DOCK4: variants seen among roughly 807,000 people sequenced by gnomAD.
DOCK4 encodes the protein dedicator of cytokinesis 4.
Under a neutral mutation model 268.1 loss-of-function variants are expected in DOCK4, and 97 were observed. The observed-to-expected ratio is 0.36, with a 90% CI of 0.31 to 0.43. DOCK4 has a LOEUF of 0.43. Among genes scored for constraint, DOCK4 ranks in the 20% least tolerant of loss-of-function variants. The probability of loss-of-function intolerance (pLI) is 1.00; values close to 1 mark genes in which losing one functional copy is unlikely to be tolerated. For missense variants in DOCK4, 2,145 were observed against 2,455.7 expected (o/e 0.87, Z 2.67); for synonymous variants, 954 against 887.2 (o/e 1.08, Z -1.34).
Position 111,844,751 on chromosome 7 carries a change from C to T in DOCK4, c.2736+12G>A. ...GGCCCTGTTCCACGTGCCATCTGCT[C>T]TATGATCTTACAGTGACATCCTGGA... is the stretch of plus-strand genomic sequence containing the variant. On this transcript the variant is annotated intron_variant, in intron 25 of 52. Transcript: ENST00000428084. 1.2e-6 allele frequency: 2 copies of T among 1,611,036 alleles called. No individual in the cohort carries two copies. Among genetic ancestry groups the T allele is most frequent in the Non-Finnish European group, 8.5e-7 (1 of 1,178,650 alleles).
intron 1 of DOCK4, among the ~76,000 whole-genome samples, chr7:112,153,359 C>G (rs1024803843): frequency 6.6e-6 from 1 of 152,110 alleles, no homozygotes; most frequent in African/African-American, 2.4e-5. Context: ...ATAGTCAGCA[C>G]AACTTTGACA....
At chr7:111,973,865 T>C (rs1254340020) in intron 8 of DOCK4, among the ~76,000 whole-genome samples, 1 of 152,116 alleles carries the variant, frequency 6.6e-6, no homozygotes, top group Non-Finnish European at 1.5e-5. Context: ...TGTTGGAAAT[T>C]TTTCTAAAAT....
At chr7:111,746,442 C>A (rs1447263272) in intron 43 of DOCK4, 25 bp from the exon 44 acceptor site, 1 of 1,530,014 alleles carries the variant, frequency 6.5e-7, no homozygotes. Flanking sequence ...GAGAATCAGT[C>A]TACTTTAGTG....
chr7:111,931,682 T>C (rs1794214749), intron 12 of DOCK4, among the ~76,000 whole-genome samples: 1 of 152,150 alleles, frequency 6.6e-6, no homozygotes, highest in South Asian at 2.1e-4. Flanking sequence ...CTAAAAGTCT[T>C]CATTAAGGAG....
At chr7:112,137,231 AGATAATTTATTTCACCTTCT>A (rs1814444876) in intron 1 of DOCK4, among the ~76,000 whole-genome samples, 1 of 152,216 alleles carries the variant, frequency 6.6e-6, no homozygotes, top group Non-Finnish European at 1.5e-5. Flanking sequence ...GGATTCTAGA[AGATAATTTATTTCACCTTCT>A]ACTCAATTGA....
chr7:111,865,872 C>G (rs558160270), intron 22 of DOCK4, among the ~76,000 whole-genome samples: 1 of 152,234 alleles, frequency 6.6e-6, no homozygotes, highest in Non-Finnish European at 1.5e-5. Context: ...CACCTCCCCC[C>G]ACCGGCTGAC....
At chr7:112,125,901 C>G (rs929406285) in intron 1 of DOCK4, among the ~76,000 whole-genome samples, 1 of 152,130 alleles carries the variant, frequency 6.6e-6, no homozygotes, top group African/African-American at 2.4e-5. Context: ...CTTGACCTCC[C>G]TGTCTCAGGA....
intron 1 of DOCK4, among the ~76,000 whole-genome samples, chr7:112,176,818 A>C (rs1225245076): frequency 2.6e-5 from 4 of 152,192 alleles, no homozygotes; most frequent in Non-Finnish European, 1.5e-5. Context: ...ATAAAACTGA[A>C]ATTGCACATA....
chr7:111,954,120 G>A (rs891901029), intron 8 of DOCK4, among the ~76,000 whole-genome samples: 2 of 152,124 alleles, frequency 1.3e-5, no homozygotes, highest in Non-Finnish European at 2.9e-5. Context: ...TTTTGATAAA[G>A]AGGACCATTC....
chr7:112,079,643 G>A (rs1563064727), intron 1 of DOCK4, among the ~76,000 whole-genome samples: 3 of 152,118 alleles, frequency 2.0e-5, no homozygotes, highest in Non-Finnish European at 4.4e-5. Context: ...AACTATGAAA[G>A]CTCTGGTACT....
Position 111,735,066 on chromosome 7 carries a change from G to A in DOCK4, c.5407C>T (p.Pro1803Ser). The change falls in exon 51 of 53, where the codon CCC (proline) becomes TCC (serine). Residue 1803 changes from proline (P) to serine (S), a missense_variant. Pro to Ser is a moderately conservative substitution (Grantham distance 74). Transcript: ENST00000428084. ...KLISPPVPPR[P>S]TQTASPARHT... Reference sequence around the variant, plus strand: ...TTCAAATACCCACCAGTCTGTGTGGGTCTTGGAGGGACAGGGGGAGAGATA... The same window carrying A: ...TTCAAATACCCACCAGTCTGTGTGGATCTTGGAGGGACAGGGGGAGAGATA... 1 of 1,591,280 alleles carries A rather than the reference G, an allele frequency of 6.3e-7. No homozygotes were observed. The highest frequency in any genetic ancestry group is 8.6e-7 in the Non-Finnish European group (1 of 1,168,096).
At chr7:111,796,504 T>C (rs1219923202) in intron 30 of DOCK4, among the ~76,000 whole-genome samples, 1 of 152,234 alleles carries the variant, frequency 6.6e-6, no homozygotes, top group Non-Finnish European at 1.5e-5. Flanking sequence ...ATATCTTCTG[T>C]AGTCAAATGT....
intron 12 of DOCK4, among the ~76,000 whole-genome samples, chr7:111,920,032 G>T (rs1351400091): frequency 6.6e-6 from 1 of 152,102 alleles, no homozygotes; most frequent in African/African-American, 2.4e-5. Context: ...CACTATAAAG[G>T]AAAGACGTAG....
At chr7:112,001,511 G>T (rs750729729) in intron 2 of DOCK4, among the ~76,000 whole-genome samples, 2 of 151,918 alleles carry the variant, frequency 1.3e-5, no homozygotes, top group Non-Finnish European at 2.9e-5. Flanking sequence ...CTTAATCATG[G>T]CTCCAAGGCA....
intron 1 of DOCK4, among the ~76,000 whole-genome samples, chr7:112,136,857 T>C (rs186533445): frequency 3.7e-4 from 57 of 152,346 alleles, no homozygotes; most frequent in Non-Finnish European, 7.2e-4. Context: ...ATGCCAGCAC[T>C]GTGCTAGGAG....
intron 12 of DOCK4, among the ~76,000 whole-genome samples, chr7:111,930,631 A>G (rs1794121957): frequency 6.6e-6 from 1 of 152,242 alleles, no homozygotes; most frequent in Admixed American, 6.5e-5. Flanking sequence ...GAGAGAAAAC[A>G]GCGGAAGTCA....
Position 111,989,097 on chromosome 7 carries a change from G to T in DOCK4, c.382C>A (p.Gln128Lys). ...TGGGTGAGGTGGCCCACCAGCACCT[G>T]CCGCCTCAGGTCCAGGATTTCATTC... Reference protein sequence around the residue: ...IMNEILDLRRQVLVGHLTHDR... With the variant: ...IMNEILDLRRKVLVGHLTHDR... Residue 128 changes from glutamine to lysine, a missense_variant, in exon 6 of 53, where the codon CAG (glutamine) becomes AAG (lysine). By Grantham distance (53) the Gln-to-Lys change is moderately conservative. Coordinates refer to ENST00000428084, the MANE Select transcript of DOCK4 (RefSeq NM_001363540.2). 6.2e-7 allele frequency: 1 copy of T among 1,614,044 alleles called. No individual in the cohort carries two copies. Among genetic ancestry groups the T allele is most frequent in the African/African-American group, 1.3e-5 (1 of 75,064 alleles).
rs199856278 is a variant in DOCK4 at position 112,165,563 on chromosome 7, T to C, written c.37+40539A>G. 7.8e-3 allele frequency among the ~76,000 whole-genome samples: 1,070 copies of C among 136,328 alleles called. 7 individuals carry two copies. The highest frequency in any genetic ancestry group is 0.017 in the South Asian group (67 of 3,978). The allele number at this position is 136,328 out of a possible 152,430, so 89.4% of individuals were successfully genotyped here. A position where few individuals can be genotyped will look rare whatever the true frequency, so the allele number is the denominator to read the frequency against. On this transcript the variant is annotated intron_variant, in intron 1 of 52. Coordinates refer to ENST00000428084, the MANE Select transcript of DOCK4 (RefSeq NM_001363540.2). ...GTGTGTGTGTGTGTGTGTGTGTGCG[T>C]GTGTGTGTGTATCCCATTTCTTTGG...
intron 30 of DOCK4, among the ~76,000 whole-genome samples, chr7:111,803,856 T>C (rs1032504129): frequency 3.9e-5 from 6 of 152,188 alleles, no homozygotes; most frequent in Non-Finnish European, 7.3e-5. Context: ...TTGGCTTTTA[T>C]GCTCTAAAAA....
Sources: gnomAD v4.1 joint callset for allele counts (sites outside exome capture counted in the v4.1 genomes callset) on GRCh38, gnomAD v4.1.1 for gene constraint, MANE v1.5 for transcripts, NCBI Gene and HGNC (gene_info 2026-07-23, HGNC 2026-07-21) for gene names.